Variants in MB21D2 observed in about 807,000 individuals in gnomAD.
MB21D2 encodes the protein Mab-21 domain containing 2.
MB21D2 carries 9 observed loss-of-function variants against 33.3 expected under a neutral mutation model. The observed-to-expected ratio is 0.27, with a 90% confidence interval of 0.16 to 0.47. The LOEUF is 0.47. MB21D2 is among the 20% of genes least tolerant of loss of function. The probability of loss-of-function intolerance (pLI) is 0.99; values close to 1 mark genes in which losing one functional copy is unlikely to be tolerated. For synonymous variants in MB21D2, 241 were observed against 236.3 expected (o/e 1.02, Z -0.18); for missense variants, 540 against 624.6 (o/e 0.86, Z 1.44).
rs1266513711 is a variant in MB21D2 at position 192,894,723 on chromosome 3, A to G, written c.211+22907T>C. Reference sequence around the variant, plus strand: ...AATCTCCGTCCCTCCACCTTCCACCATTCTTTAAGAATCCTTTTGCTGCTT... The same window carrying G: ...AATCTCCGTCCCTCCACCTTCCACCGTTCTTTAAGAATCCTTTTGCTGCTT... On this transcript the variant is annotated intron_variant, in intron 1 of 1. Transcript: ENST00000392452. 4.6e-5 allele frequency among the ~76,000 whole-genome samples: 7 copies of G among 151,930 alleles called. No homozygotes were observed. In the East Asian group the frequency reaches 9.7e-4, roughly 21 times the overall value.
chr3:192,869,521 C>T (rs533039568), intron 1 of MB21D2, among the ~76,000 whole-genome samples: 1 of 152,292 alleles, frequency 6.6e-6, no homozygotes, highest in East Asian at 1.9e-4. Flanking sequence ...AAACTCCAAG[C>T]ACAACTATCC....
chr3:192,896,325 C>T (rs1030334170), intron 1 of MB21D2, among the ~76,000 whole-genome samples: 3 of 152,210 alleles, frequency 2.0e-5, no homozygotes, highest in East Asian at 1.9e-4. Context: ...CCAAAGTCCA[C>T]GTTCTTTCTT....
chr3:192,899,541 A>G (rs1560255025), intron 1 of MB21D2, among the ~76,000 whole-genome samples: 1 of 152,118 alleles, frequency 6.6e-6, no homozygotes, highest in Non-Finnish European at 1.5e-5. Flanking sequence ...AAATAAATAA[A>G]TAAAAGAGAA....
At chr3:192,816,572 T>G (rs1032262182) in intron 1 of MB21D2, among the ~76,000 whole-genome samples, 2 of 152,220 alleles carry the variant, frequency 1.3e-5, no homozygotes, top group African/African-American at 2.4e-5. Context: ...TTTACTGGTA[T>G]GCTTTCAAAG....
intron 1 of MB21D2, among the ~76,000 whole-genome samples, chr3:192,886,717 T>C (rs1333431587): frequency 2.6e-5 from 4 of 152,158 alleles, no homozygotes; most frequent in African/African-American, 9.7e-5. Context: ...ACAACTTGCT[T>C]TTCTAACCCT....
At chr3:192,844,246 T>A (rs537574061) in intron 1 of MB21D2, among the ~76,000 whole-genome samples, 5 of 152,360 alleles carry the variant, frequency 3.3e-5, no homozygotes, top group African/African-American at 1.2e-4. Context: ...CCCATTAACA[T>A]TCAAGCTTAT....
intron 1 of MB21D2, among the ~76,000 whole-genome samples, chr3:192,840,181 G>A (rs1577179618): frequency 6.6e-6 from 1 of 152,128 alleles, no homozygotes; most frequent in Admixed American, 6.5e-5. Flanking sequence ...GATCATGAGA[G>A]GGAACACAAA....
At chr3:192,845,663 A>C (rs575706120) in intron 1 of MB21D2, among the ~76,000 whole-genome samples, 1 of 152,372 alleles carries the variant, frequency 6.6e-6, no homozygotes, top group South Asian at 2.1e-4. Flanking sequence ...AAAGGGCAAC[A>C]GAGACTGAAA....
intron 1 of MB21D2, among the ~76,000 whole-genome samples, chr3:192,900,786 C>CA (rs1394558828): frequency 1.3e-5 from 2 of 151,854 alleles, no homozygotes; most frequent in Non-Finnish European, 2.9e-5. Flanking sequence ...ACTAAAAATA[C>CA]AAAAATTAGC....
At chr3:192,825,180 C>T (rs753962489) in intron 1 of MB21D2, among the ~76,000 whole-genome samples, 3 of 152,306 alleles carry the variant, frequency 2.0e-5, no homozygotes, top group East Asian at 1.9e-4. Context: ...GACTCACTGT[C>T]GCCCAGGCTG....
At chr3:192,865,978 G>T (rs1713158985) in intron 1 of MB21D2, among the ~76,000 whole-genome samples, 1 of 151,998 alleles carries the variant, frequency 6.6e-6, no homozygotes, top group Non-Finnish European at 1.5e-5. Context: ...CGGGGAGGTT[G>T]TTGAGGCTGC....
chr3:192,844,912 C>T (rs770400661), intron 1 of MB21D2, among the ~76,000 whole-genome samples: 1 of 152,130 alleles, frequency 6.6e-6, no homozygotes, highest in Non-Finnish European at 1.5e-5. Context: ...CTCGGCCAGG[C>T]GGTTGGCAGC....
chr3:192,831,536 T>C (rs112691902), intron 1 of MB21D2, among the ~76,000 whole-genome samples: 3 of 152,348 alleles, frequency 2.0e-5, no homozygotes, highest in African/African-American at 7.2e-5. Context: ...CAATTTTCCA[T>C]AGTCACGTCA....
chr3:192,872,411 CT>C (rs1182182628), intron 1 of MB21D2, among the ~76,000 whole-genome samples: 1 of 151,906 alleles, frequency 6.6e-6, no homozygotes, highest in Non-Finnish European at 1.5e-5. Context: ...CCCGTCTCTA[CT>C]AAAAATACAA....
intron 1 of MB21D2, among the ~76,000 whole-genome samples, chr3:192,906,858 T>C (rs1275846989): frequency 6.6e-6 from 1 of 152,238 alleles, no homozygotes; most frequent in Non-Finnish European, 1.5e-5. Flanking sequence ...AATGAATGAA[T>C]GCTTAACACC....
At position 192,917,781 on chromosome 3, in the gene MB21D2, A is replaced by T. The variant is rs772560281; in HGVS notation, c.60T>A (p.Pro20=). ...KAASLGCNNK[P]AFPELDFRSG... ...ACCTGAAATCCAGCTCCGGGAACGC[A>T]GGCTTGTTGTTACAGCCCAGGGAGG... The change falls in exon 1 of 2, where the codon CCT becomes CCA. Residue 20 remains proline (P), a synonymous_variant. Coordinates refer to ENST00000392452, the MANE Select transcript of MB21D2 (RefSeq NM_178496.4). 6.2e-7 allele frequency: 1 copy of T among 1,613,646 alleles called. No individual in the cohort carries two copies. The highest frequency in any genetic ancestry group is 1.1e-5 in the South Asian group (1 of 91,042).
chr3:192,886,414 CAAACACACAACAGA>C (rs1340841201), intron 1 of MB21D2, among the ~76,000 whole-genome samples: 19 of 152,074 alleles, frequency 1.2e-4, no homozygotes, highest in African/African-American at 4.4e-4. Context: ...GTAGTATTTC[CAAACACACAACAGA>C]ATTAATACCA....
At chr3:192,838,392 T>C (rs1712491014) in intron 1 of MB21D2, among the ~76,000 whole-genome samples, 1 of 151,502 alleles carries the variant, frequency 6.6e-6, no homozygotes, top group African/African-American at 2.4e-5. Context: ...AAGAGAAAAA[T>C]GGGCTCTTTG....
chr3:192,836,311 A>T (rs952210560), intron 1 of MB21D2, among the ~76,000 whole-genome samples: 1 of 152,156 alleles, frequency 6.6e-6, no homozygotes, highest in African/African-American at 2.4e-5. Flanking sequence ...ACCCACCCCA[A>T]GCCATTGCGT....
Sources: allele counts gnomAD v4.1 joint callset (sites outside exome capture counted in the v4.1 genomes callset), GRCh38; gene constraint gnomAD v4.1.1; transcripts MANE v1.5; gene names NCBI Gene and HGNC (gene_info 2026-07-23, HGNC 2026-07-21).